The following STIM2 variants were observed in gnomAD, a reference collection of about 807,000 sequenced individuals.
The protein encoded by STIM2 is stromal interaction molecule 2.
STIM2 carries 31 observed loss-of-function variants against 85.8 expected under a neutral mutation model. The observed-to-expected ratio is 0.36, with a 90% CI of 0.27 to 0.49. STIM2 has a LOEUF of 0.49. Ranked by LOEUF, STIM2 falls within the 20% of genes least tolerant of loss-of-function variation. The pLI is 0.98. For missense variants in STIM2, 841 were observed against 927.6 expected (o/e 0.91, Z 1.21); for synonymous variants, 356 against 331.1 (o/e 1.08, Z -0.82).
chr4:27,023,192 TTCA>T lies in STIM2; in HGVS notation c.*200_*202del, dbSNP rs1178070339. 7 of 577,428 alleles carry T rather than the reference TTCA, an allele frequency of 1.2e-5. No homozygotes were observed. Among genetic ancestry groups the T allele is most frequent in the Non-Finnish European group, 2.1e-5 (7 of 325,622 alleles). 35.8% of individuals were successfully genotyped at this position (577,428 alleles called of 1,614,324 possible). A position where few individuals can be genotyped will look rare whatever the true frequency, so the allele number is the denominator to read the frequency against. On this transcript the variant is annotated 3_prime_UTR_variant, in exon 12 of 12. Coordinates refer to ENST00000467087, the MANE Select transcript of STIM2 (RefSeq NM_020860.4). The stretch of plus-strand genomic sequence containing the variant: ...TATTTAAGTGACTATATATAATCAA[TTCA>T]TCAAGCCAGTTATTACTGAAAAATC...
chr4:26,992,769 T>G (rs1727811635), intron 3 of STIM2, among the ~76,000 whole-genome samples: 1 of 151,898 alleles, frequency 6.6e-6, no homozygotes, highest in Non-Finnish European at 1.5e-5. Flanking sequence ...AAAATGCAAG[T>G]CCTGGTCATG....
chr4:27,019,637 G>A, intron 11 of STIM2: 1 of 424,520 alleles, frequency 2.4e-6, no homozygotes, highest in Non-Finnish European at 4.2e-6. Flanking sequence ...CTCCTCTATT[G>A]AACCACCAGA....
intron 1 of STIM2, among the ~76,000 whole-genome samples, chr4:26,889,929 T>G (rs1292252433): frequency 6.6e-6 from 1 of 152,218 alleles, no homozygotes; most frequent in Non-Finnish European, 1.5e-5. Context: ...CCAGATCCTC[T>G]TGTTACCATT....
chr4:26,979,009 C>T (rs1398678588), intron 3 of STIM2, among the ~76,000 whole-genome samples: 2 of 152,190 alleles, frequency 1.3e-5, no homozygotes, highest in Admixed American at 1.3e-4. Flanking sequence ...TGGTCCCACT[C>T]TGAATTTTAC....
intron 7 of STIM2, 112 bp from the exon 8 acceptor site, chr4:27,007,421 A>G: frequency 4.1e-6 from 3 of 724,910 alleles, no homozygotes; most frequent in East Asian, 6.1e-5. Context: ...GATGTTTACA[A>G]AGAGCATAAT....
At chr4:26,965,689 T>G (rs963216071) in intron 3 of STIM2, among the ~76,000 whole-genome samples, 7 of 152,090 alleles carry the variant, frequency 4.6e-5, no homozygotes, top group African/African-American at 1.7e-4. Context: ...TTAAGTACAC[T>G]TGTGTTTTGG....
intron 1 of STIM2, among the ~76,000 whole-genome samples, chr4:26,871,082 C>T (rs905992681): frequency 3.3e-5 from 5 of 152,170 alleles, no homozygotes; most frequent in African/African-American, 9.6e-5. Flanking sequence ...TTACCAAATA[C>T]CCAGGATGAC....
intron 3 of STIM2, among the ~76,000 whole-genome samples, chr4:26,964,228 A>G (rs1200801598): frequency 6.6e-6 from 1 of 152,170 alleles, no homozygotes. Context: ...AGTGCTTACC[A>G]ATCCATAGTG....
At position 26,870,813 on chromosome 4, in the gene STIM2, G is replaced by T. The variant is rs879368895; in HGVS notation, c.151+9444G>T. On this transcript the variant is annotated intron_variant, in intron 1 of 11. Transcript: ENST00000467087. ...TGTGATAAGGGTAAAAGGGCCTAAG[G>T]CTATGTGCTGTATTTTACTGAATTG... 2.4e-4 allele frequency among the ~76,000 whole-genome samples: 37 copies of T among 152,120 alleles called. 1 individual carries two copies. The highest frequency in any genetic ancestry group is 4.0e-4 in the Non-Finnish European group (27 of 68,022).
chr4:27,018,132 T>A, intron 11 of STIM2, 148 bp downstream of exon 11: 1 of 1,175,220 alleles, frequency 8.5e-7, no homozygotes, highest in Non-Finnish European at 1.2e-6. Flanking sequence ...CATCACCCAT[T>A]TTTTAGCTCT....
At position 27,002,261 on chromosome 4, in the gene STIM2, A is replaced by G. The variant is rs1431411849; in HGVS notation, c.670A>G (p.Ile224Val). 1.9e-6 allele frequency: 3 copies of G among 1,612,958 alleles called. No homozygotes were observed. The East Asian group carries it at 6.7e-5, about 36-fold the overall frequency. ...GAAAGATTTTATCCTCACAGTTTCT[A>G]TAGTAATTGGTGTTGGAGGCTGCTG... Residue 224 changes from isoleucine to valine, a missense_variant, in exon 6 of 12, where the codon ATA (isoleucine) becomes GTA (valine). Physicochemically the swap from Ile to Val is conservative, Grantham distance 29. Transcript: ENST00000467087.
intron 1 of STIM2, chr4:26,873,536 ACT>A (rs977965883): frequency 1.2e-5 from 5 of 400,134 alleles, no homozygotes; most frequent in Non-Finnish European, 2.4e-5. Context: ...GCCCAGGGTA[ACT>A]CTGACTACTT....
At chr4:26,942,461 G>A (rs1306562989) in intron 2 of STIM2, among the ~76,000 whole-genome samples, 2 of 151,982 alleles carry the variant, frequency 1.3e-5, no homozygotes, top group Admixed American at 6.6e-5. Context: ...CCTTTGATTA[G>A]AAAACAAAAA....
chr4:27,014,846 T>C (rs6830950), intron 10 of STIM2, among the ~76,000 whole-genome samples: 40,407 of 151,772 alleles, frequency 0.27, 5,915 homozygotes, highest in East Asian at 0.62. Flanking sequence ...CTAAGTTATA[T>C]TGGTGAATAC....
chr4:26,933,733 C>CAAAAAAAAAAAAA (rs771503772), intron 2 of STIM2, among the ~76,000 whole-genome samples: 8 of 47,744 alleles, frequency 1.7e-4, no homozygotes, highest in Non-Finnish European at 2.7e-4. Context: ...GACCTGATCT[C>CAAAAAAAAAAAAA]AAAAAAAAAA....
At chr4:26,931,318 C>T (rs192965337) in intron 2 of STIM2, among the ~76,000 whole-genome samples, 4 of 152,152 alleles carry the variant, frequency 2.6e-5, no homozygotes, top group South Asian at 2.1e-4. Flanking sequence ...CCAACCATCA[C>T]GGGGAGACAA....
chr4:26,934,055 G>C (rs562082731), intron 2 of STIM2, among the ~76,000 whole-genome samples: 1 of 152,032 alleles, frequency 6.6e-6, no homozygotes, highest in African/African-American at 2.4e-5. Context: ...TTAGCCGGGC[G>C]TGGTGGCACG....
intron 1 of STIM2, among the ~76,000 whole-genome samples, chr4:26,895,166 T>G (rs1723653210): frequency 1.3e-5 from 2 of 152,220 alleles, no homozygotes; most frequent in African/African-American, 2.4e-5. Flanking sequence ...GAGCTGAGAT[T>G]GCGCCACTGC....
At chr4:26,927,766 AAT>A (rs1431885196) in intron 2 of STIM2, among the ~76,000 whole-genome samples, 14 of 141,302 alleles carry the variant, frequency 9.9e-5, no homozygotes, top group Admixed American at 5.0e-4. Flanking sequence ...TAAAAAAAAA[AAT>A]ATTATTAATA....
Sources: allele counts gnomAD v4.1 joint callset (sites outside exome capture counted in the v4.1 genomes callset), GRCh38; gene constraint gnomAD v4.1.1; transcripts MANE v1.5; gene names NCBI Gene and HGNC (gene_info 2026-07-23, HGNC 2026-07-21).